PBX4: variants seen among roughly 807,000 people sequenced by gnomAD.
PBX4 encodes the protein pre-B-cell leukemia transcription factor 4.
PBX4 carries 26 observed loss-of-function variants against 35.1 expected under a neutral mutation model. The ratio of observed to expected loss-of-function variants is 0.74; its 90% CI spans 0.54 to 1.03. The LOEUF (loss-of-function observed/expected upper bound fraction) is 1.03. Among genes scored for constraint, PBX4 ranks in the 50% least tolerant of loss-of-function variants. The probability of loss-of-function intolerance (pLI) is 0.00; values close to 1 mark genes in which losing one functional copy is unlikely to be tolerated. For synonymous variants in PBX4, 199 were observed against 204.2 expected (o/e 0.97, Z 0.22); for missense variants, 448 against 504.3 (o/e 0.89, Z 1.07).
In PBX4 at chr19:19,610,703, C is replaced by T. The variant is rs1443499636; in HGVS notation, c.119+7808G>A. 4.0e-5 allele frequency among the ~76,000 whole-genome samples: 6 copies of T among 148,870 alleles called. No individual in the cohort carries two copies. In the East Asian group the frequency reaches 6.0e-4, roughly 15 times the overall value. On this transcript the variant is annotated intron_variant, in intron 1 of 7. Transcript: ENST00000251203. ...TTGGGAGGTGGAGGTTGCAGTGAGC[C>T]GAGATTACGCCACTGCACTCCAGCC... is the stretch of plus-strand genomic sequence containing the variant.
rs568796145 is a variant in PBX4 at position 19,595,678 on chromosome 19, C to A, written c.193+3614G>T. Among the ~76,000 whole-genome samples the A allele has an allele frequency of 1.8e-3, 276 of 151,042 alleles. 2 individuals are homozygous for A. Among genetic ancestry groups the A allele is most frequent in the Admixed American group, 4.1e-3 (62 of 15,022 alleles). On this transcript the variant is annotated intron_variant, in intron 2 of 7. Coordinates refer to ENST00000251203, the MANE Select transcript of PBX4 (RefSeq NM_025245.3). ...GCATCTGGCCCCGTCGGGAGGATGA[C>A]CTGGCACTGGGTGTTGGAGACCAAC...
intron 1 of PBX4, among the ~76,000 whole-genome samples, chr19:19,608,907 G>T (rs1239624804): frequency 2.0e-5 from 3 of 152,132 alleles, no homozygotes; most frequent in Admixed American, 6.6e-5. Context: ...TCCAATGTCT[G>T]CCTCTCCAAA....
intron 1 of PBX4, among the ~76,000 whole-genome samples, chr19:19,612,708 A>G (rs937931976): frequency 6.6e-6 from 1 of 152,182 alleles, no homozygotes; most frequent in Admixed American, 6.6e-5. Context: ...GGAGATTTGA[A>G]GCTTCAAAGT....
intron 2 of PBX4, among the ~76,000 whole-genome samples, chr19:19,589,070 G>A (rs1431914018): frequency 6.6e-6 from 1 of 152,082 alleles, no homozygotes; most frequent in Admixed American, 6.6e-5. Flanking sequence ...CAAGGGAGCA[G>A]TGAGCTATGA....
At chr19:19,589,652 C>T (rs2061514045) in intron 2 of PBX4, among the ~76,000 whole-genome samples, 1 of 151,826 alleles carries the variant, frequency 6.6e-6, no homozygotes, top group South Asian at 2.1e-4. Flanking sequence ...CACCTGTAAT[C>T]CCAGCTACTT....
chr19:19,588,491 C>G (rs2061504836), intron 2 of PBX4: 4 of 641,838 alleles, frequency 6.2e-6, no homozygotes, highest in Non-Finnish European at 8.4e-6. Context: ...GTTGGCCAGG[C>G]TGGTCTCGAA....
At chr19:19,570,964 CT>C in intron 2 of PBX4, 131 bp from the exon 3 acceptor site, 1 of 1,192,436 alleles carries the variant, frequency 8.4e-7, no homozygotes, top group Non-Finnish European at 1.2e-6. Flanking sequence ...GAATACTCCA[CT>C]TTATCACCAA....
At chr19:19,567,764 G>T (rs1046171167) in intron 5 of PBX4, among the ~76,000 whole-genome samples, 1 of 152,232 alleles carries the variant, frequency 6.6e-6, no homozygotes, top group Admixed American at 6.5e-5. Flanking sequence ...TGCCTACCAG[G>T]CTATAGAGTC....
At chr19:19,593,485 C>A (rs959821423) in intron 2 of PBX4, among the ~76,000 whole-genome samples, 3 of 152,146 alleles carry the variant, frequency 2.0e-5, no homozygotes, top group African/African-American at 7.2e-5. Flanking sequence ...TACTTTCCTG[C>A]CACTGGCTGG....
At chr19:19,574,587 T>A (rs2061407345) in intron 2 of PBX4, among the ~76,000 whole-genome samples, 1 of 152,070 alleles carries the variant, frequency 6.6e-6, no homozygotes, top group Non-Finnish European at 1.5e-5. Flanking sequence ...GTCCCTTTTA[T>A]TAGCTGGCAG....
chr19:19,603,433 A>G (rs1246605368), intron 1 of PBX4, among the ~76,000 whole-genome samples: 3 of 151,890 alleles, frequency 2.0e-5, no homozygotes. Flanking sequence ...TGCGGCCTCC[A>G]GAGTAGCTGG....
chr19:19,605,488 TG>T (rs2061625367), intron 1 of PBX4, among the ~76,000 whole-genome samples: 1 of 149,430 alleles, frequency 6.7e-6, no homozygotes, highest in Non-Finnish European at 1.5e-5. Context: ...TATCTGGGTT[TG>T]GTGGCACATG....
At chr19:19,579,535 A>G (rs1170394653) in intron 2 of PBX4, among the ~76,000 whole-genome samples, 1 of 152,194 alleles carries the variant, frequency 6.6e-6, no homozygotes, top group African/African-American at 2.4e-5. Flanking sequence ...TCACCCACTC[A>G]GCAGTGCTCT....
chr19:19,604,576 T>TA (rs66469609), intron 1 of PBX4, among the ~76,000 whole-genome samples: 151,752 of 151,752 alleles, frequency 1, 75,876 homozygotes, highest in Non-Finnish European at 1. Flanking sequence ...TCCCAAAATC[T>TA]AACCTGAACA....
chr19:19,603,663 G>A (rs189769615), intron 1 of PBX4, among the ~76,000 whole-genome samples: 6 of 152,226 alleles, frequency 3.9e-5, no homozygotes, highest in African/African-American at 1.4e-4. Context: ...ATGATGCAAG[G>A]ATAGAGTAAA....
At chr19:19,615,165 C>CA (rs33921244) in intron 1 of PBX4, among the ~76,000 whole-genome samples, 47 of 54,180 alleles carry the variant, frequency 8.7e-4, no homozygotes, top group Non-Finnish European at 1.0e-3. Context: ...ACCCTGTCTC[C>CA]AAAAAAAAAA....
intron 2 of PBX4, among the ~76,000 whole-genome samples, chr19:19,589,315 C>A (rs1347400473): frequency 6.6e-6 from 1 of 151,888 alleles, no homozygotes; most frequent in Non-Finnish European, 1.5e-5. Context: ...GTAGTCCCAA[C>A]TACTCAGGAG....
intron 2 of PBX4, among the ~76,000 whole-genome samples, chr19:19,588,589 GA>G (rs140229040): frequency 0.043 from 6,515 of 152,182 alleles, 200 homozygotes; most frequent in Non-Finnish European, 0.065. Flanking sequence ...TTTTTCATCT[GA>G]AGAAATGCTC....
chr19:19,582,244 G>A (rs529188647), intron 2 of PBX4, among the ~76,000 whole-genome samples: 1 of 152,310 alleles, frequency 6.6e-6, no homozygotes, highest in Non-Finnish European at 1.5e-5. Flanking sequence ...GGTCCCTGGC[G>A]AGGGCTCCAC....
Sources: gnomAD v4.1 joint callset for allele counts (sites outside exome capture counted in the v4.1 genomes callset) on GRCh38, gnomAD v4.1.1 for gene constraint, MANE v1.5 for transcripts, NCBI Gene and HGNC (gene_info 2026-07-23, HGNC 2026-07-21) for gene names.